Variants in CTNNA3 observed in about 807,000 individuals in gnomAD.
CTNNA3 encodes catenin alpha-3.
In CTNNA3, 76 loss-of-function variants were observed where a neutral mutation model predicts 95.7. The ratio of observed to expected loss-of-function variants is 0.79; its 90% CI spans 0.66 to 0.96. CTNNA3 has a LOEUF of 0.96. Among genes scored for constraint, CTNNA3 ranks in the 40% least tolerant of loss-of-function variants. CTNNA3 has a pLI of 0.00. For missense variants in CTNNA3, 1,191 were observed against 1,089.8 expected (o/e 1.09, Z -1.31); for synonymous variants, 431 against 374.4 (o/e 1.15, Z -1.74).
At chr10:67,393,631 C>A (rs187098397) in intron 5 of CTNNA3, among the ~76,000 whole-genome samples, 30 of 152,118 alleles carry the variant, frequency 2.0e-4, no homozygotes, top group Admixed American at 7.9e-4. Context: ...GTTTAGAGAT[C>A]TTAATTTCAA....
intron 12 of CTNNA3, among the ~76,000 whole-genome samples, chr10:66,328,715 T>C (rs2092286380): frequency 1.3e-5 from 2 of 151,362 alleles, no homozygotes; most frequent in African/African-American, 4.8e-5. Context: ...GCCCACAATA[T>C]GCCTTCTGCA....
chr10:66,323,145 A>AT (rs2092210980), intron 12 of CTNNA3, among the ~76,000 whole-genome samples: 1 of 152,014 alleles, frequency 6.6e-6, no homozygotes. Context: ...TAAAAAATTT[A>AT]TTTTTAATGA....
intron 7 of CTNNA3, among the ~76,000 whole-genome samples, chr10:66,901,616 T>C (rs1845749086): frequency 1.3e-5 from 2 of 152,172 alleles, no homozygotes; most frequent in Admixed American, 6.5e-5. Flanking sequence ...ATCAGTGTGC[T>C]GTATTCAGGA....
chr10:67,546,923 C>G (rs2133218025), intron 3 of CTNNA3, among the ~76,000 whole-genome samples: 1 of 152,212 alleles, frequency 6.6e-6, no homozygotes, highest in South Asian at 2.1e-4. Context: ...TTTTTGACAT[C>G]TGCTAAAAGA....
intron 7 of CTNNA3, among the ~76,000 whole-genome samples, chr10:67,040,482 G>C (rs1274168740): frequency 6.6e-6 from 1 of 152,064 alleles, no homozygotes; most frequent in African/African-American, 2.4e-5. Flanking sequence ...CCATGAAAAT[G>C]ATGAGCCAGC....
At chr10:67,673,375 T>G (rs1473012858) in intron 1 of CTNNA3, among the ~76,000 whole-genome samples, 13 of 149,354 alleles carry the variant, frequency 8.7e-5, no homozygotes, top group Non-Finnish European at 1.8e-4. Context: ...CTAATTGCCC[T>G]GGCCAGAACT....
chr10:66,611,327 G>T (rs921730203), intron 10 of CTNNA3, among the ~76,000 whole-genome samples: 3 of 151,912 alleles, frequency 2.0e-5, no homozygotes, highest in Non-Finnish European at 4.4e-5. Flanking sequence ...TGAGGTGTTG[G>T]ATATTCCAAT....
intron 1 of CTNNA3, 28 bp from the exon 2 acceptor site, chr10:67,647,546 TTA>T (rs764715169): frequency 6.4e-7 from 1 of 1,574,662 alleles, no homozygotes; most frequent in Non-Finnish European, 8.7e-7. Flanking sequence ...AGGATGCTTA[TTA>T]ATAAAGAAAA....
chr10:66,233,054 G>A (rs10822765), intron 13 of CTNNA3, among the ~76,000 whole-genome samples: 49,246 of 150,456 alleles, frequency 0.33, 8,805 homozygotes, highest in East Asian at 0.42. Context: ...CAGCTACTGG[G>A]GAGGCTGAGG....
intron 5 of CTNNA3, among the ~76,000 whole-genome samples, chr10:67,521,295 C>A (rs988737040): frequency 1.3e-5 from 2 of 152,020 alleles, no homozygotes; most frequent in Non-Finnish European, 2.9e-5. Context: ...TATCTAGGGG[C>A]CTACAAAAGG....
intron 7 of CTNNA3, among the ~76,000 whole-genome samples, chr10:66,871,161 C>T (rs970475378): frequency 1.3e-5 from 2 of 152,188 alleles, no homozygotes; most frequent in East Asian, 1.9e-4. Flanking sequence ...AAGCAGAGGG[C>T]GAATAAAGCT....
chr10:66,795,411 C>A (rs1278898809), intron 7 of CTNNA3, among the ~76,000 whole-genome samples: 1 of 152,074 alleles, frequency 6.6e-6, no homozygotes, highest in Non-Finnish European at 1.5e-5. Flanking sequence ...GAAAAGGAAT[C>A]CTTTTCTGAG....
chr10:67,758,271 C>T (rs1411905632), intron 1 of CTNNA3, among the ~76,000 whole-genome samples: 1 of 150,728 alleles, frequency 6.6e-6, no homozygotes, highest in Non-Finnish European at 1.5e-5. Flanking sequence ...AATAAATCTC[C>T]TCATGTGTAT....
At chr10:66,899,423 G>C (rs10997436) in intron 7 of CTNNA3, among the ~76,000 whole-genome samples, 1 of 152,108 alleles carries the variant, frequency 6.6e-6, no homozygotes, top group East Asian at 1.9e-4. Flanking sequence ...GAACAGCTCC[G>C]GTCGGAAGCT....
At chr10:66,048,170 C>T (rs2079870184) in intron 15 of CTNNA3, among the ~76,000 whole-genome samples, 1 of 152,116 alleles carries the variant, frequency 6.6e-6, no homozygotes, top group South Asian at 2.1e-4. Context: ...ATAGCCAAGG[C>T]AATCCTAAGC....
intron 10 of CTNNA3, among the ~76,000 whole-genome samples, chr10:66,529,182 G>T (rs1022334464): frequency 3.9e-5 from 6 of 151,928 alleles, no homozygotes; most frequent in Non-Finnish European, 7.4e-5. Context: ...AGACTAGAAT[G>T]CAATGGTGCG....
At chr10:66,258,754 C>T (rs2090886019) in intron 13 of CTNNA3, among the ~76,000 whole-genome samples, 3 of 152,110 alleles carry the variant, frequency 2.0e-5, no homozygotes, top group Admixed American at 2.0e-4. Context: ...TGGTAGCCCT[C>T]TTAGTCTAAG....
intron 7 of CTNNA3, among the ~76,000 whole-genome samples, chr10:67,151,653 T>C (rs1861093228): frequency 6.6e-6 from 1 of 152,216 alleles, no homozygotes; most frequent in Non-Finnish European, 1.5e-5. Context: ...TAAATCACCA[T>C]AGGCTTACAT....
intron 13 of CTNNA3, among the ~76,000 whole-genome samples, chr10:66,137,373 T>C (rs867625051): frequency 2.0e-5 from 3 of 152,076 alleles, no homozygotes; most frequent in Non-Finnish European, 4.4e-5. Context: ...ATTATAAATG[T>C]CATGGAATAC....
Sources: allele counts gnomAD v4.1 joint callset (sites outside exome capture counted in the v4.1 genomes callset), GRCh38; gene constraint gnomAD v4.1.1; transcripts MANE v1.5; gene names NCBI Gene and HGNC (gene_info 2026-07-23, HGNC 2026-07-21).